The following ZMIZ1 variants were observed in gnomAD, a reference collection of about 807,000 sequenced individuals.
The protein encoded by ZMIZ1 is zinc finger MIZ domain-containing protein 1.
Under a neutral mutation model 113.9 loss-of-function variants are expected in ZMIZ1, and 17 were observed. That is an observed-to-expected ratio of 0.15 (90% CI 0.10 to 0.22). The LOEUF (loss-of-function observed/expected upper bound fraction) is 0.22. ZMIZ1 is among the 10% of genes least tolerant of loss of function. ZMIZ1 has a pLI of 1.00. For synonymous variants in ZMIZ1, 607 were observed against 603.1 expected (o/e 1.01, Z -0.09); for missense variants, 1,059 against 1,477.8 (o/e 0.72, Z 4.65).
chr10:79,310,608 G>C (rs1044297408), intron 23 of ZMIZ1, among the ~76,000 whole-genome samples: 2 of 152,064 alleles, frequency 1.3e-5, no homozygotes, highest in Non-Finnish European at 2.9e-5. Flanking sequence ...TGTCTGGGCG[G>C]GGAGGTGGAG....
chr10:79,131,645 C>T (rs1589311087), intron 2 of ZMIZ1, among the ~76,000 whole-genome samples: 1 of 152,152 alleles, frequency 6.6e-6, no homozygotes, highest in Non-Finnish European at 1.5e-5. Flanking sequence ...TGCATGGCCC[C>T]CTCTGCTTCT....
intron 8 of ZMIZ1, 32 bp from the exon 9 acceptor site, chr10:79,289,743 C>T (rs2132023582): frequency 6.3e-7 from 1 of 1,595,812 alleles, no homozygotes; most frequent in Non-Finnish European, 8.6e-7. Flanking sequence ...GCCTGCCAGG[C>T]CCTGAAGATC....
chr10:79,070,758 C>T (rs973581777), intron 1 of ZMIZ1, among the ~76,000 whole-genome samples: 11 of 152,202 alleles, frequency 7.2e-5, no homozygotes, highest in Non-Finnish European at 1.5e-4. Flanking sequence ...CCCGGAGCCC[C>T]GGCTGCGCCT....
At chr10:79,169,701 A>G (rs1326131649) in intron 4 of ZMIZ1, among the ~76,000 whole-genome samples, 1 of 152,350 alleles carries the variant, frequency 6.6e-6, no homozygotes, top group Admixed American at 6.5e-5. Context: ...TCAAATCTCT[A>G]TTCTTCCACC....
At chr10:79,259,798 G>C (rs1390125134) in intron 7 of ZMIZ1, among the ~76,000 whole-genome samples, 1 of 152,172 alleles carries the variant, frequency 6.6e-6, no homozygotes, top group African/African-American at 2.4e-5. Flanking sequence ...TTTTAGTAGA[G>C]ACAGGGTTTC....
intron 1 of ZMIZ1, among the ~76,000 whole-genome samples, chr10:79,080,469 C>T (rs1054757487): frequency 6.6e-6 from 1 of 151,974 alleles, no homozygotes; most frequent in Non-Finnish European, 1.5e-5. Context: ...CCACCATGCC[C>T]AGCTGATTTT....
chr10:79,279,551 C>T (rs943955725), intron 8 of ZMIZ1, among the ~76,000 whole-genome samples: 1 of 152,144 alleles, frequency 6.6e-6, no homozygotes, highest in African/African-American at 2.4e-5. Context: ...TCCTCACTTC[C>T]TAGACAGGGT....
At chr10:79,277,406 T>TG in intron 8 of ZMIZ1, 81 bp downstream of exon 8, 1 of 1,462,734 alleles carries the variant, frequency 6.8e-7, no homozygotes, top group African/African-American at 1.5e-5. Context: ...GTCCCTGGGG[T>TG]GGGGGCCTCT....
At chr10:79,164,430 G>A (rs1040603632) in intron 4 of ZMIZ1, among the ~76,000 whole-genome samples, 1 of 120,234 alleles carries the variant, frequency 8.3e-6, no homozygotes, top group South Asian at 2.5e-4. Flanking sequence ...GTGAGTGAGT[G>A]AGTGAGTGAT....
chr10:79,104,950 G>GGGGTGTGTGTGTGTGTGTGTGTGT, intron 1 of ZMIZ1, among the ~76,000 whole-genome samples: 1 of 140,188 alleles, frequency 7.1e-6, no homozygotes, highest in African/African-American at 2.7e-5. Flanking sequence ...GTTGTTGTGG[G>GGGGTGTGTGTGTGTGTGTGTGTGT]GTGTGTGTGT....
At chr10:79,195,074 G>A (rs1847780345) in intron 4 of ZMIZ1, among the ~76,000 whole-genome samples, 3 of 152,170 alleles carry the variant, frequency 2.0e-5, no homozygotes, top group Admixed American at 2.0e-4. Flanking sequence ...CGGGGCTGCC[G>A]GGCCTTCAGC....
rs1564600888 is a variant in ZMIZ1, at chr10:79,302,219, CAG to C, written c.2125+8_2125+9del. ...GAGCACTGTATCACGAAAAGTGAGT[CAG>C]GGTGGGGACGGGGGTGAGGGCCAGA... is the stretch of plus-strand genomic sequence containing the variant. On this transcript the variant is annotated splice_region_variant and intron_variant, in intron 18 of 24. Transcript: ENST00000334512. 3.1e-6 allele frequency: 5 copies of C among 1,612,312 alleles called. No homozygotes were observed. Among genetic ancestry groups the C allele is most frequent in the Non-Finnish European group, 4.2e-6 (5 of 1,179,816 alleles).
chr10:79,310,079 C>G (rs1855015015), intron 23 of ZMIZ1, among the ~76,000 whole-genome samples: 1 of 152,192 alleles, frequency 6.6e-6, no homozygotes, highest in South Asian at 2.1e-4. Context: ...GGGTGCGAGT[C>G]CTCTAGTTAT....
chr10:79,120,654 A>G (rs573873414), intron 2 of ZMIZ1, among the ~76,000 whole-genome samples: 1 of 152,306 alleles, frequency 6.6e-6, no homozygotes, highest in Non-Finnish European at 1.5e-5. Context: ...GGCCGCAAGG[A>G]TGAGAGGCTG....
intron 1 of ZMIZ1, among the ~76,000 whole-genome samples, chr10:79,079,119 T>A (rs1420415410): frequency 1.3e-5 from 2 of 152,240 alleles, no homozygotes; most frequent in Non-Finnish European, 2.9e-5. Context: ...GCTGGCCTCC[T>A]TGTCTTTTCT....
At chr10:79,275,534 C>T (rs1395472781) in intron 7 of ZMIZ1, among the ~76,000 whole-genome samples, 2 of 152,218 alleles carry the variant, frequency 1.3e-5, no homozygotes, top group African/African-American at 2.4e-5. Flanking sequence ...ATCTGGGCGG[C>T]TTGGGATGGC....
intron 2 of ZMIZ1, among the ~76,000 whole-genome samples, chr10:79,132,966 G>A (rs1337213122): frequency 6.6e-6 from 1 of 151,958 alleles, no homozygotes; most frequent in Non-Finnish European, 1.5e-5. Flanking sequence ...ATGACCTGTC[G>A]ACCTGGCCCC....
intron 7 of ZMIZ1, among the ~76,000 whole-genome samples, chr10:79,257,520 G>A (rs543048078): frequency 1.4e-4 from 21 of 152,372 alleles, no homozygotes; most frequent in African/African-American, 4.8e-4. Context: ...TGCAGAGCTG[G>A]GGTGGGTCAG....
At chr10:79,242,261 C>G (rs1177063510) in intron 7 of ZMIZ1, among the ~76,000 whole-genome samples, 1 of 152,148 alleles carries the variant, frequency 6.6e-6, no homozygotes, top group African/African-American at 2.4e-5. Flanking sequence ...GATGCAATGT[C>G]AGGAAGGCAG....
Sources: allele counts gnomAD v4.1 joint callset (sites outside exome capture counted in the v4.1 genomes callset), GRCh38; gene constraint gnomAD v4.1.1; transcripts MANE v1.5; gene names NCBI Gene and HGNC (gene_info 2026-07-23, HGNC 2026-07-21).